The following PRKCH variants were observed in gnomAD, a reference collection of about 807,000 sequenced individuals.
PRKCH encodes the protein protein kinase C eta.
In PRKCH, 28 loss-of-function variants were observed where a neutral mutation model predicts 82.5. The observed-to-expected ratio is 0.34, with a 90% CI of 0.25 to 0.47. The LOEUF is 0.47. PRKCH is among the 20% of genes least tolerant of loss of function. The pLI is 1.00. For missense variants in PRKCH, 705 were observed against 881.8 expected (o/e 0.80, Z 2.54); for synonymous variants, 322 against 327.4 (o/e 0.98, Z 0.18).
At position 61,322,070 on chromosome 14, in the gene PRKCH, CG is replaced by C. The variant is rs1387236319; in HGVS notation, c.-30del. The C allele has an allele frequency of 2.7e-6, 4 of 1,507,496 alleles. No individual in the cohort carries two copies. 93.4% of individuals were successfully genotyped at this position (1,507,496 alleles called of 1,614,324 possible). A position where few individuals can be genotyped will look rare whatever the true frequency, so the allele number is the denominator to read the frequency against. ...CCGGTTCTCCCGCTGCGAAGCAGCG[CG>C]GCCCCCCGGGGCCGGGGCAGCGGCG... On this transcript the variant is annotated 5_prime_UTR_variant, in exon 1 of 14. Transcript: ENST00000332981.
At chr14:61,248,778 ATGTATGTATGTATGTATGTATG>A (rs2044910206) in intron 1 of PRKCH, among the ~76,000 whole-genome samples, 1 of 95,982 alleles carries the variant, frequency 1.0e-5, no homozygotes, top group Admixed American at 1.1e-4. Flanking sequence ...GTATGTATGT[ATGTATGTATGTATGTATGTATG>A]TGTGTGTGTG....
At chr14:61,429,466 A>G (rs1383631286) in intron 2 of PRKCH, among the ~76,000 whole-genome samples, 1 of 152,200 alleles carries the variant, frequency 6.6e-6, no homozygotes, top group African/African-American at 2.4e-5. Context: ...GGATTTGAGG[A>G]ATTTCTTTTA....
intron 2 of PRKCH, among the ~76,000 whole-genome samples, chr14:61,405,899 T>C (rs144016440): frequency 1.2e-3 from 176 of 151,696 alleles, no homozygotes; most frequent in African/African-American, 4.1e-3. Flanking sequence ...GTTATGTGAG[T>C]CCTAAGATTT....
chr14:61,521,120 T>C (rs1219192811), intron 10 of PRKCH, among the ~76,000 whole-genome samples: 2 of 152,228 alleles, frequency 1.3e-5, no homozygotes. Flanking sequence ...TACTGTATAA[T>C]ATTGTGTTAG....
chr14:61,193,889 A>G (rs936668671), intron 1 of PRKCH, among the ~76,000 whole-genome samples: 3 of 152,162 alleles, frequency 2.0e-5, no homozygotes, highest in Non-Finnish European at 2.9e-5. Flanking sequence ...TCCTCTGCAC[A>G]CCTGCTCTAG....
intron 9 of PRKCH, among the ~76,000 whole-genome samples, chr14:61,465,999 A>G (rs1004195904): frequency 2.0e-5 from 3 of 152,184 alleles, no homozygotes; most frequent in African/African-American, 4.8e-5. Flanking sequence ...AAATGGTAAA[A>G]ATAGGAGGTT....
chr14:61,267,118 G>A (rs545516920), intron 1 of PRKCH, among the ~76,000 whole-genome samples: 1 of 152,284 alleles, frequency 6.6e-6, no homozygotes, highest in South Asian at 2.1e-4. Context: ...CTGACAATAC[G>A]TTCACAATAA....
intron 2 of PRKCH, among the ~76,000 whole-genome samples, chr14:61,397,394 C>T (rs937250374): frequency 5.9e-5 from 9 of 152,030 alleles, no homozygotes; most frequent in South Asian, 2.1e-4. Flanking sequence ...AATAAGATTC[C>T]GGAGTTTGGC....
In PRKCH at chr14:61,530,363, A is replaced by G. The variant is rs561661611; in HGVS notation, c.1573-44A>G. 3.8e-5 allele frequency: 55 copies of G among 1,448,640 alleles called. 1 individual carries two copies. The South Asian group carries it at 7.6e-4, about 20-fold the overall frequency. The allele number at this position is 1,448,640 out of a possible 1,614,324, so 89.7% of individuals were successfully genotyped here. The stretch of plus-strand genomic sequence containing the variant: ...CTAGTTATGAAGAACACATTTGTTA[A>G]TCTGATGTATGAACCACCTTCTCAC... On this transcript the variant is annotated intron_variant, in intron 11 of 13. Coordinates refer to ENST00000332981, the MANE Select transcript of PRKCH (RefSeq NM_006255.5).
chr14:61,541,364 G>A (rs571377775), intron 12 of PRKCH, among the ~76,000 whole-genome samples: 74 of 152,340 alleles, frequency 4.9e-4, no homozygotes, highest in African/African-American at 1.5e-3. Flanking sequence ...GCTGTGAACC[G>A]CACTCTATTC....
chr14:61,348,604 G>A (rs1467979258), intron 1 of PRKCH, among the ~76,000 whole-genome samples: 1 of 152,208 alleles, frequency 6.6e-6, no homozygotes, highest in African/African-American at 2.4e-5. Context: ...ATGCTGAGCT[G>A]GGTTTACACC....
At chr14:61,348,176 C>G (rs1270027658) in intron 1 of PRKCH, 1 of 152,238 alleles carries the variant, frequency 6.6e-6, no homozygotes, top group Non-Finnish European at 1.5e-5. Flanking sequence ...TTGGTGTTTT[C>G]CGGGGAGGGT....
intron 2 of PRKCH, among the ~76,000 whole-genome samples, chr14:61,434,863 A>G (rs1424541646): frequency 6.6e-6 from 1 of 152,174 alleles, no homozygotes; most frequent in Middle Eastern, 3.2e-3. Context: ...TCTACTTTTT[A>G]AAAGATTTTT....
chr14:61,371,260 G>A (rs1300776313), intron 1 of PRKCH, among the ~76,000 whole-genome samples: 1 of 152,008 alleles, frequency 6.6e-6, no homozygotes, highest in East Asian at 1.9e-4. Flanking sequence ...TATTATTAAT[G>A]TCTTAGGTTA....
chr14:61,205,657 C>A (rs1670939716), intron 1 of PRKCH, among the ~76,000 whole-genome samples: 2 of 152,200 alleles, frequency 1.3e-5, no homozygotes, highest in Non-Finnish European at 2.9e-5. Context: ...GCTTCCCTAC[C>A]TGAGGGCTTT....
At chr14:61,344,351 G>A (rs994926472) in intron 1 of PRKCH, 2 of 152,228 alleles carry the variant, frequency 1.3e-5, no homozygotes, top group African/African-American at 2.4e-5. Flanking sequence ...TGGTACGAAC[G>A]GAGGCAGGCT....
intron 1 of PRKCH, among the ~76,000 whole-genome samples, chr14:61,191,159 C>G (rs896914289): frequency 3.2e-4 from 48 of 152,326 alleles, no homozygotes; most frequent in African/African-American, 1.1e-3. Context: ...AATCTGACTT[C>G]TCTCAGCCTG....
chr14:61,365,192 A>G (rs17098279), intron 1 of PRKCH, among the ~76,000 whole-genome samples: 10,510 of 152,170 alleles, frequency 0.069, 547 homozygotes, highest in East Asian at 0.22. Context: ...TTGAGAACAC[A>G]GTAGATAGGT....
chr14:61,310,630 C>T (rs2045515913), intron 1 of PRKCH, among the ~76,000 whole-genome samples: 2 of 152,342 alleles, frequency 1.3e-5, no homozygotes, highest in South Asian at 4.1e-4. Context: ...GCACCTGATG[C>T]AAGCTGTAGG....
Sources: allele counts gnomAD v4.1 joint callset (sites outside exome capture counted in the v4.1 genomes callset), GRCh38; gene constraint gnomAD v4.1.1; transcripts MANE v1.5; gene names NCBI Gene and HGNC (gene_info 2026-07-23, HGNC 2026-07-21).